The following WDFY3 variants were observed in gnomAD, a reference collection of about 807,000 sequenced individuals.
WDFY3 encodes the protein WD repeat and FYVE domain containing 3, also known as WD repeat and FYVE domain-containing protein 3.
In WDFY3, 66 loss-of-function variants were observed where a neutral mutation model predicts 409.6. The ratio of observed to expected loss-of-function variants is 0.16; its 90% CI spans 0.13 to 0.20. The LOEUF (loss-of-function observed/expected upper bound fraction) is 0.20. Among genes scored for constraint, WDFY3 ranks in the 10% least tolerant of loss-of-function variants. The probability of loss-of-function intolerance (pLI) is 1.00; values close to 1 mark genes in which losing one functional copy is unlikely to be tolerated. For synonymous variants in WDFY3, 1,521 were observed against 1,537.1 expected (o/e 0.99, Z 0.25); for missense variants, 3,031 against 4,298.1 (o/e 0.71, Z 8.24).
At chr4:84,692,652 CTGTT>C (rs1026782618) in intron 59 of WDFY3, among the ~76,000 whole-genome samples, 5 of 151,856 alleles carry the variant, frequency 3.3e-5, no homozygotes, top group Admixed American at 6.6e-5. Context: ...AGAGAGAAGA[CTGTT>C]TGGTTCTTTC....
chr4:84,675,145 A>C (rs1429143719), intron 67 of WDFY3, among the ~76,000 whole-genome samples: 1 of 151,866 alleles, frequency 6.6e-6, no homozygotes, highest in Admixed American at 6.6e-5. Context: ...TAGTACAGAC[A>C]GGGTTTTGCC....
intron 2 of WDFY3, among the ~76,000 whole-genome samples, chr4:84,924,791 C>A (rs1769756050): frequency 1.3e-5 from 2 of 152,224 alleles, no homozygotes; most frequent in South Asian, 2.1e-4. Context: ...AAACTAAAAT[C>A]CTCTGCTTCT....
At chr4:84,739,829 A>C (rs2149218144) in intron 39 of WDFY3, among the ~76,000 whole-genome samples, 1 of 152,332 alleles carries the variant, frequency 6.6e-6, no homozygotes, top group African/African-American at 2.4e-5. Flanking sequence ...CAAAGCAATC[A>C]ACTGAAAAAT....
chr4:84,859,743 T>C (rs367908862), intron 4 of WDFY3, among the ~76,000 whole-genome samples: 4 of 151,666 alleles, frequency 2.6e-5, no homozygotes, highest in African/African-American at 9.7e-5. Context: ...GCCTGGCTGA[T>C]TTTTTATTTT....
chr4:84,845,571 T>C (rs1320757426), intron 5 of WDFY3, among the ~76,000 whole-genome samples: 1 of 152,130 alleles, frequency 6.6e-6, no homozygotes, highest in Non-Finnish European at 1.5e-5. Flanking sequence ...GTAGATCCCA[T>C]ATTAAGTGCT....
At chr4:84,690,468 A>C (rs1384046310) in intron 61 of WDFY3, 38 bp downstream of exon 61, 30 of 1,613,738 alleles carry the variant, frequency 1.9e-5, no homozygotes, top group Non-Finnish European at 2.5e-5. Context: ...CAGGAGATGG[A>C]CTATGTCCTT....
intron 67 of WDFY3, among the ~76,000 whole-genome samples, chr4:84,674,806 T>C (rs1725982639): frequency 6.6e-6 from 1 of 151,028 alleles, no homozygotes; most frequent in South Asian, 2.1e-4. Context: ...AGGCGGAGGC[T>C]GCAGTGAGCC....
intron 4 of WDFY3, among the ~76,000 whole-genome samples, 180 bp from the exon 5 acceptor site, chr4:84,850,205 T>G (rs1758692310): frequency 6.6e-6 from 1 of 152,228 alleles, no homozygotes; most frequent in Non-Finnish European, 1.5e-5. Context: ...CTAGCCACAT[T>G]TCCTTTTACA....
At chr4:84,916,939 T>A (rs543064597) in intron 2 of WDFY3, among the ~76,000 whole-genome samples, 1 of 152,196 alleles carries the variant, frequency 6.6e-6, no homozygotes, top group East Asian at 1.9e-4. Flanking sequence ...TCTAATAACA[T>A]TAAACCATGA....
At chr4:84,886,727 A>G (rs553420542) in intron 3 of WDFY3, among the ~76,000 whole-genome samples, 1 of 152,316 alleles carries the variant, frequency 6.6e-6, no homozygotes, top group South Asian at 2.1e-4. Flanking sequence ...AAATTGCACA[A>G]CATTTAATAG....
intron 3 of WDFY3, among the ~76,000 whole-genome samples, chr4:84,895,293 G>C (rs1765488204): frequency 6.6e-6 from 1 of 152,146 alleles, no homozygotes; most frequent in South Asian, 2.1e-4. Flanking sequence ...AATGTGATAA[G>C]TATTATAATG....
chr4:84,887,862 T>C (rs1294118562), intron 3 of WDFY3, among the ~76,000 whole-genome samples: 1 of 152,212 alleles, frequency 6.6e-6, no homozygotes, highest in African/African-American at 2.4e-5. Context: ...CTACCAAAGA[T>C]AGTACTATTT....
rs1280478264 is a variant in WDFY3 at position 84,802,874 on chromosome 4, A to G, written c.2607+416T>C. Among the ~76,000 whole-genome samples, 6 of 152,336 alleles carry G rather than the reference A, an allele frequency of 3.9e-5. No individual in the cohort carries two copies. The South Asian group carries it at 1.0e-3, about 26-fold the overall frequency. On this transcript the variant is annotated intron_variant, in intron 16 of 67. Transcript: ENST00000295888. ...TGACACTTTAGGCCTTAGAGGCTAT[A>G]TAACATTTTAATAAAAATCATCACC...
chr4:84,749,050 G>A (rs1740021138), intron 36 of WDFY3, among the ~76,000 whole-genome samples: 2 of 151,868 alleles, frequency 1.3e-5, no homozygotes, highest in Non-Finnish European at 2.9e-5. Flanking sequence ...CACAACACTG[G>A]CTATGGCTAA....
intron 51 of WDFY3, 96 bp downstream of exon 51, chr4:84,713,063 A>G (rs887664737): frequency 1.2e-5 from 17 of 1,365,718 alleles, no homozygotes; most frequent in Non-Finnish European, 2.0e-6. Flanking sequence ...CCACCAGGGG[A>G]AAAACACTCA....
chr4:84,789,359 G>C (rs1305586354), intron 22 of WDFY3, among the ~76,000 whole-genome samples: 4 of 151,996 alleles, frequency 2.6e-5, no homozygotes, highest in Non-Finnish European at 5.9e-5. Context: ...AAGTCTTCTG[G>C]ACTAAATTAC....
chr4:84,845,866 G>C (rs1183567753), intron 5 of WDFY3, among the ~76,000 whole-genome samples: 1 of 151,656 alleles, frequency 6.6e-6, no homozygotes, highest in African/African-American at 2.4e-5. Context: ...AATCAGGAAG[G>C]GTGGCCCTTC....
intron 1 of WDFY3, among the ~76,000 whole-genome samples, chr4:84,936,345 A>AC (rs1771408661): frequency 6.6e-6 from 1 of 152,022 alleles, no homozygotes; most frequent in African/African-American, 2.4e-5. Flanking sequence ...ACATAGTGAG[A>AC]CCCCATCTCT....
At chr4:84,707,553 T>C (rs1432039382) in intron 53 of WDFY3, among the ~76,000 whole-genome samples, 1 of 152,164 alleles carries the variant, frequency 6.6e-6, no homozygotes, top group Non-Finnish European at 1.5e-5. Context: ...GAGAATGTGG[T>C]AGAGAACTGA....
Sources: gnomAD v4.1 joint callset for allele counts (sites outside exome capture counted in the v4.1 genomes callset) on GRCh38, gnomAD v4.1.1 for gene constraint, MANE v1.5 for transcripts, NCBI Gene and HGNC (gene_info 2026-07-23, HGNC 2026-07-21) for gene names.